CAP2: variants seen among roughly 807,000 people sequenced by gnomAD.
CAP2 encodes adenylyl cyclase-associated protein 2.
A neutral mutation model predicts 57.7 loss-of-function variants in CAP2; 24 were observed. That is an observed-to-expected ratio of 0.42 (90% CI 0.30 to 0.58). The LOEUF is 0.58. Ranked by LOEUF, CAP2 falls within the 20% of genes least tolerant of loss-of-function variation. CAP2 has a pLI of 0.22. For missense variants in CAP2, 501 were observed against 590.3 expected (o/e 0.85, Z 1.57); for synonymous variants, 194 against 207.2 (o/e 0.94, Z 0.55).
At chr6:17,397,145 C>T (rs568499369) in intron 1 of CAP2, among the ~76,000 whole-genome samples, 1 of 152,190 alleles carries the variant, frequency 6.6e-6, no homozygotes, top group Admixed American at 6.5e-5. Context: ...CTACAACCTC[C>T]GCCTCTCAGG....
intron 1 of CAP2, among the ~76,000 whole-genome samples, chr6:17,420,837 G>A (rs1036700380): frequency 6.6e-6 from 1 of 152,120 alleles, no homozygotes; most frequent in African/African-American, 2.4e-5. Flanking sequence ...TCAATATAAT[G>A]CCAATTTTTT....
chr6:17,525,527 CCA>C (rs1762483074), intron 7 of CAP2, among the ~76,000 whole-genome samples: 1 of 152,040 alleles, frequency 6.6e-6, no homozygotes, highest in Admixed American at 6.6e-5. Context: ...ACCATGCCCA[CCA>C]CAAGCTGGAA....
intron 4 of CAP2, among the ~76,000 whole-genome samples, chr6:17,480,062 C>A (rs1340530011): frequency 1.3e-5 from 2 of 152,116 alleles, no homozygotes; most frequent in African/African-American, 2.4e-5. Flanking sequence ...TTCCGCTCCT[C>A]CAGCCTGTCT....
rs531688434 is a variant in CAP2 at position 17,433,076 on chromosome 6, A to G, written c.222+6386A>G. On this transcript the variant is annotated intron_variant, in intron 3 of 12. Coordinates refer to ENST00000229922, the MANE Select transcript of CAP2 (RefSeq NM_006366.3). ...AGGTGATGTGCGTGGTGTGTTAAAGATCTCAGCAATGCAGTGGCAGAGCCA... is the reference window on the plus strand; with the variant it reads ...AGGTGATGTGCGTGGTGTGTTAAAGGTCTCAGCAATGCAGTGGCAGAGCCA... Among the ~76,000 whole-genome samples the G allele has an allele frequency of 2.0e-5, 3 of 151,792 alleles. No individual in the cohort carries two copies. The East Asian group carries it at 5.8e-4, about 30-fold the overall frequency.
At chr6:17,503,638 A>T (rs544996876) in intron 4 of CAP2, among the ~76,000 whole-genome samples, 1 of 150,398 alleles carries the variant, frequency 6.6e-6, no homozygotes, top group Non-Finnish European at 1.5e-5. Flanking sequence ...CACCAGTCAT[A>T]TTGGATTGAA....
At chr6:17,527,333 G>C (rs1762534785) in intron 7 of CAP2, among the ~76,000 whole-genome samples, 1 of 152,266 alleles carries the variant, frequency 6.6e-6, no homozygotes, top group East Asian at 1.9e-4. Context: ...TTGTTTCTTT[G>C]ATGAGTATAC....
intron 2 of CAP2, among the ~76,000 whole-genome samples, chr6:17,422,268 A>G (rs1385042677): frequency 6.6e-6 from 1 of 151,950 alleles, no homozygotes; most frequent in East Asian, 1.9e-4. Flanking sequence ...AGCTGGTCTT[A>G]TGCAAAGGCA....
intron 7 of CAP2, among the ~76,000 whole-genome samples, chr6:17,517,704 C>T (rs945743766): frequency 6.6e-6 from 1 of 151,994 alleles, no homozygotes; most frequent in African/African-American, 2.4e-5. Context: ...AGTTTGAGAC[C>T]AGCCTGGCCA....
At chr6:17,443,566 A>AACACACAG (rs1264448086) in intron 3 of CAP2, among the ~76,000 whole-genome samples, 1 of 99,960 alleles carries the variant, frequency 1.0e-5, no homozygotes, top group Non-Finnish European at 1.9e-5. Flanking sequence ...ATTCCCACAA[A>AACACACAG]ACACACAGAC....
At chr6:17,418,865 A>G (rs1027646881) in intron 1 of CAP2, among the ~76,000 whole-genome samples, 3 of 152,122 alleles carry the variant, frequency 2.0e-5, no homozygotes, top group Admixed American at 2.0e-4. Flanking sequence ...ATTCAATTAC[A>G]TTTCTCTTTC....
intron 7 of CAP2, among the ~76,000 whole-genome samples, chr6:17,528,386 A>G (rs570419612): frequency 6.6e-6 from 1 of 152,344 alleles, no homozygotes; most frequent in African/African-American, 2.4e-5. Context: ...TAGACAGCAC[A>G]TGTTATTCCC....
At chr6:17,512,033 T>TA (rs764283840) in intron 6 of CAP2, among the ~76,000 whole-genome samples, 8,350 of 144,326 alleles carry the variant, frequency 0.058, 270 homozygotes, top group Middle Eastern at 0.096. Flanking sequence ...CTGCATTGGT[T>TA]AAAAAAAAAA....
rs1197104013 is a variant in CAP2, at chr6:17,406,412, T to TTTTTTTTTTTTTTTTTTTTTTTTTTTC, written c.-2+12667_-2+12668insTTTTTTTTTTTTTTTTTTTTTTTTTCT. ...AGCCCAGATTTCTTTTTTTTTTTTT[T>TTTTTTTTTTTTTTTTTTTTTTTTTTTC]TGAGGCAGTCTCACTCTGTCGCCCA... On this transcript the variant is annotated intron_variant, in intron 1 of 12. Coordinates refer to ENST00000229922, the MANE Select transcript of CAP2 (RefSeq NM_006366.3). Among the ~76,000 whole-genome samples the TTTTTTTTTTTTTTTTTTTTTTTTTTTC allele has an allele frequency of 2.5e-4, 34 of 135,256 alleles. 4 individuals are homozygous for TTTTTTTTTTTTTTTTTTTTTTTTTTTC. Among genetic ancestry groups the TTTTTTTTTTTTTTTTTTTTTTTTTTTC allele is most frequent in the African/African-American group, 1.1e-3 (30 of 27,012 alleles). The allele number at this position is 135,256 out of a possible 152,430, so 88.7% of individuals were successfully genotyped here. A position where few individuals can be genotyped will look rare whatever the true frequency, so the allele number is the denominator to read the frequency against.
At chr6:17,511,257 G>A (rs1762140313) in intron 6 of CAP2, among the ~76,000 whole-genome samples, 1 of 151,992 alleles carries the variant, frequency 6.6e-6, no homozygotes, top group Admixed American at 6.6e-5. Context: ...CCCATTTACC[G>A]GTGGACTCAA....
chr6:17,539,228 A>C (rs370571143), intron 7 of CAP2, 41 bp from the exon 8 acceptor site: 1 of 1,554,702 alleles, frequency 6.4e-7, no homozygotes. Context: ...GCAAGGGCGC[A>C]GTCTCAATGC....
intron 3 of CAP2, among the ~76,000 whole-genome samples, chr6:17,450,249 C>G (rs1760368707): frequency 6.6e-6 from 1 of 152,108 alleles, no homozygotes; most frequent in Non-Finnish European, 1.5e-5. Flanking sequence ...GACGGGGTTT[C>G]ACCATTTTAG....
At chr6:17,502,521 T>TA (rs1271621962) in intron 4 of CAP2, among the ~76,000 whole-genome samples, 1 of 152,142 alleles carries the variant, frequency 6.6e-6, no homozygotes, top group Non-Finnish European at 1.5e-5. Context: ...CTTTTTTTTT[T>TA]AATGATGACA....
At chr6:17,410,881 A>G (rs1481290907) in intron 1 of CAP2, among the ~76,000 whole-genome samples, 2 of 152,148 alleles carry the variant, frequency 1.3e-5, no homozygotes, top group East Asian at 1.9e-4. Context: ...TTTTAACTGT[A>G]TCTTTACAAA....
intron 1 of CAP2, among the ~76,000 whole-genome samples, chr6:17,403,334 C>T (rs1389606277): frequency 1.3e-5 from 2 of 152,252 alleles, no homozygotes; most frequent in Non-Finnish European, 2.9e-5. Context: ...AACTCCTGAC[C>T]TCAGGTGATC....
Sources: allele counts gnomAD v4.1 joint callset (sites outside exome capture counted in the v4.1 genomes callset), GRCh38; gene constraint gnomAD v4.1.1; transcripts MANE v1.5; gene names NCBI Gene and HGNC (gene_info 2026-07-23, HGNC 2026-07-21).